Variants in ARMC9 observed in about 807,000 individuals in gnomAD.
ARMC9 encodes lisH domain-containing protein ARMC9.
In ARMC9, 94 loss-of-function variants were observed where a neutral mutation model predicts 107.0. That is an observed-to-expected ratio of 0.88 (90% CI 0.74 to 1.04). ARMC9 has a LOEUF of 1.04. Ranked by LOEUF, ARMC9 falls within the 50% of genes least tolerant of loss-of-function variation. ARMC9 has a pLI of 0.00. For missense variants in ARMC9, 942 were observed against 1,030.1 expected (o/e 0.91, Z 1.17); for synonymous variants, 380 against 396.9 (o/e 0.96, Z 0.51).
chr2:231,199,941 G>A (rs1020482957), intron 1 of ARMC9, among the ~76,000 whole-genome samples: 3 of 152,012 alleles, frequency 2.0e-5, no homozygotes, highest in Non-Finnish European at 2.9e-5. Flanking sequence ...CAGGTGATCC[G>A]CCTGCCTCAG....
chr2:231,355,852 C>CCCGCAGGCCCTGCCAG lies in ARMC9; in HGVS notation c.2054_2069dup (p.His691GlyfsTer282). On this transcript the variant is annotated frameshift_variant, in exon 22 of 25. Transcript: ENST00000611582. LOFTEE classifies it high-confidence loss of function. ...CAGCCCAGCACGCCAGAAACGGCCACCCGCAGGCCCTGCCAGCCGCTCACG... is the reference window on the plus strand; with the variant it reads ...CAGCCCAGCACGCCAGAAACGGCCACCCGCAGGCCCTGCCAGCCGCAGGCCCTGCCAGCCGCTCACG... The CCCGCAGGCCCTGCCAG allele has an allele frequency of 2.0e-6, 3 of 1,536,128 alleles. No individual in the cohort carries two copies. The highest frequency in any genetic ancestry group is 2.6e-6 in the Non-Finnish European group (3 of 1,146,904).
At chr2:231,359,033 G>C (rs1160913136) in intron 22 of ARMC9, among the ~76,000 whole-genome samples, 1 of 151,290 alleles carries the variant, frequency 6.6e-6, no homozygotes, top group Non-Finnish European at 1.5e-5. Context: ...GCACACCCAT[G>C]GCTGCCCCAT....
intron 12 of ARMC9, among the ~76,000 whole-genome samples, chr2:231,268,094 C>T (rs1267416124): frequency 1.3e-5 from 2 of 152,086 alleles, no homozygotes; most frequent in Admixed American, 6.5e-5. Context: ...AAAAGTCAAA[C>T]ATAAGAGAAT....
At chr2:231,318,237 A>T (rs143028444) in intron 19 of ARMC9, among the ~76,000 whole-genome samples, 124 of 147,828 alleles carry the variant, frequency 8.4e-4, no homozygotes, top group African/African-American at 3.0e-3. Context: ...GAGTGTGTCT[A>T]TCATTTTCTC....
chr2:231,234,043 T>C (rs1359012171), intron 7 of ARMC9, among the ~76,000 whole-genome samples: 2 of 151,954 alleles, frequency 1.3e-5, no homozygotes, highest in African/African-American at 2.4e-5. Context: ...GGTAATAGAG[T>C]AGGGATTTGA....
intron 23 of ARMC9, among the ~76,000 whole-genome samples, chr2:231,367,625 T>G (rs761450603): frequency 6.6e-6 from 1 of 152,228 alleles, no homozygotes; most frequent in Non-Finnish European, 1.5e-5. Context: ...TCTTAAAATA[T>G]GGCAGGGCTA....
chr2:231,216,881 T>G, intron 5 of ARMC9, 88 bp downstream of exon 5: 1 of 1,422,204 alleles, frequency 7.0e-7, no homozygotes, highest in Non-Finnish European at 9.5e-7. Flanking sequence ...GAATGATGCT[T>G]TAAAAAAACT....
intron 11 of ARMC9, among the ~76,000 whole-genome samples, chr2:231,260,744 C>T (rs1017114568): frequency 7.9e-5 from 12 of 152,294 alleles, no homozygotes; most frequent in African/African-American, 1.2e-4. Flanking sequence ...ATCTTTTATG[C>T]GGCTCTTGGT....
intron 23 of ARMC9, among the ~76,000 whole-genome samples, chr2:231,364,712 C>T (rs1481094882): frequency 6.6e-6 from 1 of 151,908 alleles, no homozygotes; most frequent in Non-Finnish European, 1.5e-5. Context: ...GCAGGAGAAT[C>T]ATTTGAACCC....
In ARMC9 at chr2:231,360,724, G is replaced by A. The variant is rs1437928745; in HGVS notation, c.2132-30G>A. ...TCCTTAGAGGGGCTCCAGAGCAGAT[G>A]TGGACTGAACTTTCTCTCCTCCTCC... is the stretch of plus-strand genomic sequence containing the variant. On this transcript the variant is annotated intron_variant, in intron 22 of 24. Transcript: ENST00000611582. The surrounding 1 kb of genome is among the most constrained non-coding windows in gnomAD (Gnocchi z 4.7). 5 of 1,536,164 alleles carry A rather than the reference G, an allele frequency of 3.3e-6. No homozygotes were observed. The Admixed American group carries it at 5.9e-5, about 18-fold the overall frequency.
At chr2:231,258,037 TG>T (rs2037996372) in intron 10 of ARMC9, among the ~76,000 whole-genome samples, 1 of 152,144 alleles carries the variant, frequency 6.6e-6, no homozygotes, top group Non-Finnish European at 1.5e-5. Context: ...CACTGAAACC[TG>T]GCTCCCCAGA....
chr2:231,239,985 A>G lies in ARMC9; in HGVS notation c.823A>G (p.Ser275Gly). The G allele has an allele frequency of 6.2e-7, 1 of 1,614,034 alleles. No homozygotes were observed. Among genetic ancestry groups the G allele is most frequent in the South Asian group, 1.1e-5 (1 of 91,050 alleles). Residue 275 changes from serine to glycine, a missense_variant, in exon 9 of 25, where the codon AGT (serine) becomes GGT (glycine). Ser to Gly is a moderately conservative substitution (Grantham distance 56, BLOSUM62 0). Coordinates refer to ENST00000611582, the MANE Select transcript of ARMC9 (RefSeq NM_001352754.2). ...CCAGAGCGTCTGTGTCCGCCTGTTCAGTAACCAGATGCGGCAGAGCCTGGC... is the reference window on the plus strand; with the variant it reads ...CCAGAGCGTCTGTGTCCGCCTGTTCGGTAACCAGATGCGGCAGAGCCTGGC... ...YLQSVCVRLFSNQMRQSLAHS... is the reference protein window; with the variant it reads ...YLQSVCVRLFGNQMRQSLAHS...
chr2:231,332,973 T>C (rs73994570), intron 20 of ARMC9, among the ~76,000 whole-genome samples: 8,492 of 152,144 alleles, frequency 0.056, 795 homozygotes, highest in African/African-American at 0.19. Context: ...GCCAGAGCCT[T>C]GGGAAGGAGA....
At chr2:231,236,648 A>G (rs2035741004) in intron 8 of ARMC9, among the ~76,000 whole-genome samples, 1 of 152,320 alleles carries the variant, frequency 6.6e-6, no homozygotes, top group East Asian at 1.9e-4. Context: ...TATACAATTA[A>G]AAATAAAATT....
chr2:231,282,101 G>C lies in ARMC9; in HGVS notation c.1594G>C (p.Val532Leu). Residue 532 changes from valine to leucine, a missense_variant, in exon 17 of 25, where the codon GTT (valine) becomes CTT (leucine). Coordinates refer to ENST00000611582, the MANE Select transcript of ARMC9 (RefSeq NM_001352754.2). ...VNGALYSILS[V>L]PSIREEARAM... is the part of the protein sequence containing the mutation. ...TGGAGCTCTGTACAGCATCCTTTCT[G>C]TTCCATCCATTCGTGAGGAAGCAAG... 3 of 1,614,158 alleles carry C rather than the reference G, an allele frequency of 1.9e-6. No individual in the cohort carries two copies.
intron 9 of ARMC9, among the ~76,000 whole-genome samples, chr2:231,250,266 A>G (rs1282258838): frequency 6.6e-6 from 1 of 152,000 alleles, no homozygotes; most frequent in Non-Finnish European, 1.5e-5. Context: ...ACTGTGTTGG[A>G]TGGTTTGGGG....
Position 231,355,780 on chromosome 2 carries a change from T to G in ARMC9, c.1995-18T>G. The G allele has an allele frequency of 6.6e-7, 1 of 1,522,936 alleles. No individual in the cohort carries two copies. The highest frequency in any genetic ancestry group is 8.8e-7 in the Non-Finnish European group (1 of 1,136,850). The allele number at this position is 1,522,936 out of a possible 1,614,324, so 94.3% of individuals were successfully genotyped here. A position where few individuals can be genotyped will look rare whatever the true frequency, so the allele number is the denominator to read the frequency against. On this transcript the variant is annotated intron_variant, in intron 21 of 24. Transcript: ENST00000611582. ...CTGGCTGGCTGTACTCACTGCCGTT[T>G]TTCATGTTTTTCTCCAGGGTGGAAG... is the stretch of plus-strand genomic sequence containing the variant.
At chr2:231,311,416 G>A (rs1350389275) in intron 19 of ARMC9, among the ~76,000 whole-genome samples, 2 of 152,196 alleles carry the variant, frequency 1.3e-5, no homozygotes, top group Non-Finnish European at 2.9e-5. Context: ...ACAGCACTTG[G>A]CACATACCAA....
intron 20 of ARMC9, among the ~76,000 whole-genome samples, chr2:231,335,182 A>G (rs1461113151): frequency 6.6e-6 from 1 of 152,168 alleles, no homozygotes; most frequent in Non-Finnish European, 1.5e-5. Flanking sequence ...GCTCTTGCTG[A>G]GTGGGGTAGA....
Sources: gnomAD v4.1 joint callset for allele counts (sites outside exome capture counted in the v4.1 genomes callset) on GRCh38, gnomAD v4.1.1 for gene constraint, Gnocchi (gnomAD v3.1) non-coding constraint, MANE v1.5 for transcripts, NCBI Gene and HGNC (gene_info 2026-07-23, HGNC 2026-07-21) for gene names.